Variants in CACNA2D3 observed in about 807,000 individuals in gnomAD.
The protein encoded by CACNA2D3 is calcium voltage-gated channel auxiliary subunit alpha2delta 3.
A neutral mutation model predicts 160.6 loss-of-function variants in CACNA2D3; 60 were observed. The ratio of observed to expected loss-of-function variants is 0.37; its 90% confidence interval spans 0.30 to 0.46. The LOEUF (loss-of-function observed/expected upper bound fraction) is 0.46, where lower values mean the gene tolerates loss of function less well. Ranked by LOEUF, CACNA2D3 falls within the 20% of genes least tolerant of loss-of-function variation. CACNA2D3 has a pLI of 1.00. For synonymous variants in CACNA2D3, 558 were observed against 492.9 expected (o/e 1.13, Z -1.75); for missense variants, 1,205 against 1,365.0 (o/e 0.88, Z 1.85).
intron 4 of CACNA2D3, among the ~76,000 whole-genome samples, chr3:54,420,077 T>G (rs1276961707): frequency 6.7e-6 from 1 of 150,280 alleles, no homozygotes. Flanking sequence ...ATTCAGTTTT[T>G]GTTTGTTTGT....
intron 4 of CACNA2D3, among the ~76,000 whole-genome samples, chr3:54,497,489 CT>C (rs1289500099): frequency 6.6e-6 from 1 of 151,924 alleles, no homozygotes; most frequent in African/African-American, 2.4e-5. Context: ...CTTGTTAACT[CT>C]CTTTAAGTTA....
chr3:54,149,912 TCTCTCTCTCTCTCTCTCTCCCTCC>T lies in CACNA2D3; in HGVS notation c.204+26322_204+26345del, dbSNP rs1335975471. Among the ~76,000 whole-genome samples the T allele has an allele frequency of 5.3e-3, 500 of 95,068 alleles. 10 individuals carry two copies. The highest frequency in any genetic ancestry group is 0.021 in the African/African-American group (477 of 22,902). The allele number at this position is 95,068 out of a possible 152,430, so 62.4% of individuals were successfully genotyped here. On this transcript the variant is annotated intron_variant, in intron 2 of 37. Transcript: ENST00000474759. Reference sequence around the variant, plus strand: ...CTCTCTCTCTCTCTCTCTCTCTCTCTCTCTCTCTCTCTCTCTCTCCCTCCCTCCCTCCCTCCCTCCCTCCCTCTT... The same window carrying T: ...CTCTCTCTCTCTCTCTCTCTCTCTCTCTCCCTCCCTCCCTCCCTCCCTCTT...
intron 5 of CACNA2D3, among the ~76,000 whole-genome samples, chr3:54,514,934 G>C (rs1403193012): frequency 1.3e-5 from 2 of 152,198 alleles, no homozygotes; most frequent in African/African-American, 2.4e-5. Flanking sequence ...GATGTTCAAG[G>C]AATACGAATT....
At chr3:54,265,582 G>GTA (rs869178105) in intron 2 of CACNA2D3, among the ~76,000 whole-genome samples, 40 of 149,028 alleles carry the variant, frequency 2.7e-4, no homozygotes, top group African/African-American at 5.7e-4. Context: ...TATAGTGTGT[G>GTA]TATATATATA....
At chr3:54,817,102 A>G (rs945508030) in intron 14 of CACNA2D3, among the ~76,000 whole-genome samples, 1 of 152,202 alleles carries the variant, frequency 6.6e-6, no homozygotes, top group Non-Finnish European at 1.5e-5. Flanking sequence ...TTGGGAGGTG[A>G]ATCTGTGCCC....
intron 3 of CACNA2D3, among the ~76,000 whole-genome samples, chr3:54,340,019 G>T (rs1041589728): frequency 7.9e-5 from 12 of 152,136 alleles, no homozygotes; most frequent in African/African-American, 2.7e-4. Context: ...GTCCATAGTG[G>T]TTATCTCACT....
chr3:54,645,162 C>T (rs2106851898), intron 11 of CACNA2D3, among the ~76,000 whole-genome samples: 1 of 152,286 alleles, frequency 6.6e-6, no homozygotes, highest in Non-Finnish European at 1.5e-5. Context: ...GAAGGGGAAG[C>T]AGGCACATCT....
chr3:55,040,154 T>G (rs916796999), intron 35 of CACNA2D3, among the ~76,000 whole-genome samples: 2 of 152,052 alleles, frequency 1.3e-5, no homozygotes, highest in African/African-American at 4.8e-5. Context: ...TCGTCTCTGG[T>G]TTCTTCTTAG....
At chr3:54,566,151 T>C (rs1405375546) in intron 6 of CACNA2D3, among the ~76,000 whole-genome samples, 1 of 152,204 alleles carries the variant, frequency 6.6e-6, no homozygotes, top group East Asian at 1.9e-4. Flanking sequence ...AGAGACTTGA[T>C]GACTCAGCAA....
intron 2 of CACNA2D3, among the ~76,000 whole-genome samples, chr3:54,163,587 G>C (rs1700391593): frequency 2.0e-5 from 3 of 152,190 alleles, no homozygotes; most frequent in Admixed American, 6.5e-5. Context: ...AGCGGAGTGG[G>C]GGTGATTAAT....
chr3:54,730,347 C>T (rs534874364), intron 11 of CACNA2D3, among the ~76,000 whole-genome samples: 2 of 152,314 alleles, frequency 1.3e-5, no homozygotes, highest in Non-Finnish European at 2.9e-5. Context: ...TGGACAACCA[C>T]TGGGCCTTAC....
At chr3:54,996,941 G>A (rs529058078) in intron 31 of CACNA2D3, among the ~76,000 whole-genome samples, 54 of 152,166 alleles carry the variant, frequency 3.5e-4, no homozygotes, top group Middle Eastern at 3.4e-3. Flanking sequence ...CAAACACCAC[G>A]TGTTCTCACT....
intron 13 of CACNA2D3, among the ~76,000 whole-genome samples, chr3:54,784,618 G>A (rs1702599261): frequency 6.6e-6 from 1 of 152,114 alleles, no homozygotes; most frequent in East Asian, 1.9e-4. Flanking sequence ...AAAGGAGTTG[G>A]GGCCATCAAG....
At chr3:54,212,113 G>T (rs535352300) in intron 2 of CACNA2D3, among the ~76,000 whole-genome samples, 1 of 152,284 alleles carries the variant, frequency 6.6e-6, no homozygotes, top group South Asian at 2.1e-4. Context: ...GAACCCAAAA[G>T]TATCTGAGAC....
chr3:54,327,661 G>A (rs772135565), intron 3 of CACNA2D3, among the ~76,000 whole-genome samples: 10 of 151,880 alleles, frequency 6.6e-5, no homozygotes, highest in Non-Finnish European at 7.3e-5. Flanking sequence ...TATTCATCGT[G>A]AAAGAGAAAA....
chr3:54,720,341 C>T (rs1156944591), intron 11 of CACNA2D3, among the ~76,000 whole-genome samples: 4 of 152,002 alleles, frequency 2.6e-5, no homozygotes, highest in Admixed American at 2.0e-4. Flanking sequence ...AAACTATTTT[C>T]TAATTTTTAT....
intron 2 of CACNA2D3, among the ~76,000 whole-genome samples, chr3:54,191,536 G>A (rs1401115464): frequency 6.6e-6 from 1 of 151,956 alleles, no homozygotes; most frequent in Non-Finnish European, 1.5e-5. Context: ...GAATGCCATG[G>A]GCTGTTTTTT....
chr3:54,208,272 A>T (rs563622882), intron 2 of CACNA2D3, among the ~76,000 whole-genome samples: 1 of 152,074 alleles, frequency 6.6e-6, no homozygotes, highest in East Asian at 1.9e-4. Context: ...TGCCTGGCTA[A>T]TTTTTTTGTA....
At chr3:54,537,578 C>G (rs894622686) in intron 5 of CACNA2D3, among the ~76,000 whole-genome samples, 1 of 152,138 alleles carries the variant, frequency 6.6e-6, no homozygotes, top group Non-Finnish European at 1.5e-5. Flanking sequence ...CGAGGCCCTA[C>G]GCTGAGCACC....
Sources: allele counts gnomAD v4.1 joint callset (sites outside exome capture counted in the v4.1 genomes callset), GRCh38; gene constraint gnomAD v4.1.1; transcripts MANE v1.5; gene names NCBI Gene and HGNC (gene_info 2026-07-23, HGNC 2026-07-21).